MTMR12: variants seen among roughly 807,000 people sequenced by gnomAD.
The protein encoded by MTMR12 is myotubularin-related protein 12.
Under a neutral mutation model 96.7 loss-of-function variants are expected in MTMR12, and 33 were observed. The ratio of observed to expected loss-of-function variants is 0.34; its 90% CI spans 0.26 to 0.46. The LOEUF (loss-of-function observed/expected upper bound fraction) is 0.46. Ranked by LOEUF, MTMR12 falls within the 20% of genes least tolerant of loss-of-function variation. The pLI, the probability that MTMR12 is intolerant of heterozygous loss-of-function variation, is 1.00. For synonymous variants in MTMR12, 298 were observed against 327.2 expected, an observed-to-expected ratio of 0.91 and a Z score of 0.96; for missense variants, 721 against 896.1, an observed-to-expected ratio of 0.80 and a Z score of 2.49.
At chr5:32,234,885 T>C in intron 14 of MTMR12, 77 bp downstream of exon 14, 1 of 1,364,900 alleles carries the variant, frequency 7.3e-7, no homozygotes. Flanking sequence ...CCATTTTATT[T>C]GTAGCATCAG....
rs2111963113 is a variant in MTMR12, at chr5:32,228,547, T to TATATAC, written c.*1230_*1231insGTATAT. ...TATCATATATATGATATATATATCA[T>TATATAC]ATATATGTGATATATATATATCATA... On this transcript the variant is annotated 3_prime_UTR_variant, in exon 16 of 16. Coordinates refer to ENST00000382142, the MANE Select transcript of MTMR12 (RefSeq NM_001040446.3). 7.5e-6 allele frequency: 1 copy of TATATAC among 132,646 alleles called. No individual in the cohort carries two copies. Among genetic ancestry groups the TATATAC allele is most frequent in the African/African-American group, 3.0e-5 (1 of 33,884 alleles). 8.2% of individuals were successfully genotyped at this position (132,646 alleles called of 1,614,324 possible).
chr5:32,312,725 G>T lies in MTMR12; in HGVS notation c.81+33C>A. ...GGCGCCCCTCGCCCCGGCCGCCCCT[G>T]CCCGACGCCCCGCCTGCGCGGCGCC... On this transcript the variant is annotated intron_variant, in intron 1 of 15. Coordinates refer to ENST00000382142, the MANE Select transcript of MTMR12 (RefSeq NM_001040446.3). This position sits in a 1 kb window ranked among gnomAD's most constrained non-coding sequence, Gnocchi z 5.0. The T allele has an allele frequency of 1.4e-6, 2 of 1,475,998 alleles. No homozygotes were observed. Among genetic ancestry groups the T allele is most frequent in the Non-Finnish European group, 1.8e-6 (2 of 1,114,746 alleles). The allele number at this position is 1,475,998 out of a possible 1,614,324, so 91.4% of individuals were successfully genotyped here.
intron 2 of MTMR12, among the ~76,000 whole-genome samples, chr5:32,275,957 T>C (rs1750035024): frequency 6.6e-6 from 1 of 152,224 alleles, no homozygotes; most frequent in African/African-American, 2.4e-5. Flanking sequence ...GAATAAAGCC[T>C]GTATTGTTTT....
chr5:32,253,875 C>T (rs763239674), intron 8 of MTMR12, among the ~76,000 whole-genome samples: 4 of 152,224 alleles, frequency 2.6e-5, no homozygotes, highest in African/African-American at 7.2e-5. Context: ...CTGCCTGCCT[C>T]GGTCTCCCAA....
rs1751619162 is a variant in MTMR12, at chr5:32,312,105, T to C, written c.81+653A>G. Among the ~76,000 whole-genome samples the C allele has an allele frequency of 6.6e-6, 1 of 152,146 alleles. No homozygotes were observed. Among genetic ancestry groups the C allele is most frequent in the African/African-American group, 2.4e-5 (1 of 41,430 alleles). Reference sequence around the variant, plus strand: ...AGTATTTTCTGAATGAATGAACAAATTTCTTGACCTGAAGATTCAGAAGAG... The same window carrying C: ...AGTATTTTCTGAATGAATGAACAAACTTCTTGACCTGAAGATTCAGAAGAG... On this transcript the variant is annotated intron_variant, in intron 1 of 15. Transcript: ENST00000382142. This position sits in a 1 kb window ranked among gnomAD's most constrained non-coding sequence, Gnocchi z 5.0.
chr5:32,251,277 C>T (rs1005186774), intron 8 of MTMR12, among the ~76,000 whole-genome samples: 8 of 151,794 alleles, frequency 5.3e-5, no homozygotes, highest in Non-Finnish European at 1.2e-4. Flanking sequence ...GTGATCCGCC[C>T]GCCTCGGCCT....
chr5:32,259,364 GAA>G (rs1301822196), intron 7 of MTMR12, among the ~76,000 whole-genome samples: 2 of 152,004 alleles, frequency 1.3e-5, no homozygotes, highest in African/African-American at 4.8e-5. Flanking sequence ...GGAGGAGAAT[GAA>G]AAAGAGAAGG....
chr5:32,248,661 T>C (rs1748791435), intron 9 of MTMR12, 111 bp downstream of exon 9: 2 of 771,560 alleles, frequency 2.6e-6, no homozygotes, highest in Admixed American at 4.1e-5. Flanking sequence ...TGTATTCCCC[T>C]AGCATTAAGC....
chr5:32,229,786 C>T lies in MTMR12; in HGVS notation c.2236G>A (p.Asp746Asn). ...ATCACTCAACAAACAGGTCACACATCCCCTAGGTCCACGAACTCATCTTCT... is the reference window on the plus strand; with the variant it reads ...ATCACTCAACAAACAGGTCACACATTCCCTAGGTCCACGAACTCATCTTCT... ...KREDEFVDLGDV is the reference protein window; with the variant it reads ...KREDEFVDLGNV Residue 746 changes from aspartate to asparagine, a missense_variant, in exon 16 of 16, where the codon GAT becomes AAT. Transcript: ENST00000382142. 1 of 1,529,986 alleles carries T rather than the reference C, an allele frequency of 6.5e-7. No individual in the cohort carries two copies. 94.8% of individuals were successfully genotyped at this position (1,529,986 alleles called of 1,614,324 possible). A position where few individuals can be genotyped will look rare whatever the true frequency, so the allele number is the denominator to read the frequency against.
At chr5:32,311,637 T>C in intron 1 of MTMR12, among the ~76,000 whole-genome samples, 1 of 152,174 alleles carries the variant, frequency 6.6e-6, no homozygotes, top group East Asian at 1.9e-4. Context: ...CATTAGGCAT[T>C]TGGATTAAGA....
At chr5:32,243,295 A>G (rs1193063542) in intron 11 of MTMR12, among the ~76,000 whole-genome samples, 1 of 152,202 alleles carries the variant, frequency 6.6e-6, no homozygotes, top group African/African-American at 2.4e-5. Context: ...TGTTTTTTCA[A>G]TGCCTTGTCT....
chr5:32,273,132 GCTCATGTCTGTAAT>G (rs146182559), intron 3 of MTMR12, among the ~76,000 whole-genome samples: 3,574 of 152,268 alleles, frequency 0.023, 150 homozygotes, highest in African/African-American at 0.081. Context: ...GGGTGAGGCG[GCTCATGTCTGTAAT>G]CCCAGCACTT....
chr5:32,308,384 T>C (rs148304782), intron 1 of MTMR12, among the ~76,000 whole-genome samples: 199 of 150,686 alleles, frequency 1.3e-3, no homozygotes, highest in Non-Finnish European at 2.3e-3. Flanking sequence ...AAAGGCAACA[T>C]GAGGGAAAGC....
chr5:32,264,607 C>T (rs1046659381), intron 6 of MTMR12, among the ~76,000 whole-genome samples: 2 of 152,030 alleles, frequency 1.3e-5, no homozygotes, highest in Admixed American at 6.6e-5. Context: ...ATTATAGGCA[C>T]CCACCAACAC....
rs544956470 is a variant in MTMR12, at chr5:32,272,653, AC to A, written c.286-749del. Reference sequence around the variant, plus strand: ...CTCAGCCTCCCAAAGTGCTGAGATTACAGGTAAGAGCCACCGCGCGTGGTCC... The same window carrying A: ...CTCAGCCTCCCAAAGTGCTGAGATTAAGGTAAGAGCCACCGCGCGTGGTCC... On this transcript the variant is annotated intron_variant, in intron 3 of 15. Coordinates refer to ENST00000382142, the MANE Select transcript of MTMR12 (RefSeq NM_001040446.3). 4.6e-5 allele frequency among the ~76,000 whole-genome samples: 7 copies of A among 152,236 alleles called. No homozygotes were observed. The South Asian group carries it at 1.4e-3, about 32-fold the overall frequency.
intron 1 of MTMR12, among the ~76,000 whole-genome samples, chr5:32,298,768 G>T (rs571067139): frequency 6.6e-5 from 10 of 151,644 alleles, no homozygotes; most frequent in Admixed American, 3.9e-4. Context: ...CTAACACAGT[G>T]AAACCCCGTC....
At chr5:32,274,264 G>T in intron 2 of MTMR12, 142 bp from the exon 3 acceptor site, 2 of 979,722 alleles carry the variant, frequency 2.0e-6, no homozygotes, top group Non-Finnish European at 1.5e-6. Context: ...TTTTCAGCAT[G>T]GCAGGAGCTG....
intron 8 of MTMR12, among the ~76,000 whole-genome samples, chr5:32,250,523 A>T (rs1748875026): frequency 6.6e-6 from 1 of 152,208 alleles, no homozygotes; most frequent in South Asian, 2.1e-4. Flanking sequence ...AGAAACCACC[A>T]TACAGTTTTC....
At chr5:32,231,171 C>A (rs1747980500) in intron 15 of MTMR12, among the ~76,000 whole-genome samples, 1 of 152,002 alleles carries the variant, frequency 6.6e-6, no homozygotes, top group African/African-American at 2.4e-5. Context: ...GGGCAGATCA[C>A]CTGAGGCCAG....
Sources: allele counts gnomAD v4.1 joint callset (sites outside exome capture counted in the v4.1 genomes callset), GRCh38; gene constraint gnomAD v4.1.1; non-coding constraint Gnocchi (gnomAD v3.1); transcripts MANE v1.5; gene names NCBI Gene and HGNC (gene_info 2026-07-23, HGNC 2026-07-21).